The following P4HA1 variants were observed in gnomAD, a reference collection of about 807,000 sequenced individuals.
P4HA1 encodes prolyl 4-hydroxylase subunit alpha 1, also known as prolyl 4-hydroxylase subunit alpha-1.
Under a neutral mutation model 72.8 loss-of-function variants are expected in P4HA1, and 24 were observed. That is an observed-to-expected ratio of 0.33 (90% CI 0.24 to 0.46). The LOEUF is 0.46. P4HA1 is among the 20% of genes least tolerant of loss of function. The pLI is 1.00. For missense variants in P4HA1, 446 were observed against 640.6 expected (o/e 0.70, Z 3.28); for synonymous variants, 201 against 218.8 (o/e 0.92, Z 0.72).
intron 13 of P4HA1, 30 bp from the exon 14 acceptor site, chr10:73,009,933 A>C: frequency 8.3e-7 from 1 of 1,203,208 alleles, no homozygotes; most frequent in Non-Finnish European, 1.2e-6. Flanking sequence ...ATTATCCCCA[A>C]GTATACAATG....
intron 9 of P4HA1, among the ~76,000 whole-genome samples, chr10:73,038,707 A>G (rs1840661668): frequency 7.5e-6 from 1 of 133,612 alleles, no homozygotes. Flanking sequence ...GCTCACTGCA[A>G]GCTCCGCCTC....
chr10:73,080,591 A>T (rs923522632), intron 1 of P4HA1, among the ~76,000 whole-genome samples: 2 of 152,244 alleles, frequency 1.3e-5, no homozygotes, highest in African/African-American at 4.8e-5. Flanking sequence ...TTTAAGTGAC[A>T]TGTTAATAGC....
intron 5 of P4HA1, among the ~76,000 whole-genome samples, chr10:73,068,053 A>G (rs1053956574): frequency 6.6e-6 from 1 of 152,204 alleles, no homozygotes; most frequent in African/African-American, 2.4e-5. Context: ...AAAATTTGCA[A>G]ATTTGTACAT....
rs34567673 is a variant in P4HA1, at chr10:73,068,891, T to C, written c.418A>G (p.Thr140Ala). 1 of 1,612,400 alleles carries C rather than the reference T, an allele frequency of 6.2e-7. No homozygotes were observed. The highest frequency in any genetic ancestry group is 8.5e-7 in the Non-Finnish European group (1 of 1,178,528). The change falls in exon 5 of 15, where the codon ACC (threonine) becomes GCC (alanine). Residue 140 changes from threonine to alanine, a missense_variant. Transcript: ENST00000394890. ...AAKALLRLQD[T>A]YNLDTDTISK... ...ATGGTATCTGTATCCAAATTGTAGG[T>C]ATCCTGGAGACGTAACAGAGCTTTG... is the stretch of plus-strand genomic sequence containing the variant.
At chr10:73,035,676 T>C (rs1840552514) in intron 9 of P4HA1, among the ~76,000 whole-genome samples, 1 of 152,212 alleles carries the variant, frequency 6.6e-6, no homozygotes, top group African/African-American at 2.4e-5. Context: ...TGTGGGAGTA[T>C]CTCTGTACGA....
At chr10:73,075,757 G>T (rs1841684199) in intron 1 of P4HA1, among the ~76,000 whole-genome samples, 1 of 150,748 alleles carries the variant, frequency 6.6e-6, no homozygotes, top group South Asian at 2.1e-4. Context: ...GTGTGTGTGT[G>T]TGTATGTGTG....
At chr10:73,092,264 A>C (rs1046473857) in intron 1 of P4HA1, among the ~76,000 whole-genome samples, 3 of 151,450 alleles carry the variant, frequency 2.0e-5, no homozygotes, top group African/African-American at 7.3e-5. Flanking sequence ...TTTATGTCCT[A>C]CTTCTCCTAT....
rs1412219173 is a variant in P4HA1, at chr10:73,030,337, C to T, written c.1182G>A (p.Val394=). ...CTTGTATTCTCATATTAATTCGAGACACCACAGGATTTTCATAGCCAGAGA... is the reference window on the plus strand; with the variant it reads ...CTTGTATTCTCATATTAATTCGAGATACCACAGGATTTTCATAGCCAGAGA... The part of the protein sequence containing the change: ...AWLSGYENPV[V]SRINMRIQDL... Residue 394 remains valine, a synonymous_variant, in exon 10 of 15, where the codon GTG becomes GTA. Coordinates refer to ENST00000394890, the MANE Select transcript of P4HA1 (RefSeq NM_001017962.3). 3 of 1,579,026 alleles carry T rather than the reference C, an allele frequency of 1.9e-6. No homozygotes were observed. The highest frequency in any genetic ancestry group is 2.6e-6 in the Non-Finnish European group (3 of 1,155,900).
intron 1 of P4HA1, among the ~76,000 whole-genome samples, chr10:73,086,933 CAAA>C (rs59200288): frequency 4.8e-4 from 16 of 33,098 alleles, no homozygotes; most frequent in Non-Finnish European, 1.0e-3. Context: ...GAGTGCATCT[CAAA>C]AAAAAAAAAA....
chr10:73,077,422 TA>T (rs1433700616), intron 1 of P4HA1, among the ~76,000 whole-genome samples: 1 of 152,196 alleles, frequency 6.6e-6, no homozygotes, highest in Non-Finnish European at 1.5e-5. Flanking sequence ...CACAAGGAAT[TA>T]AAAACCATTA....
At chr10:73,085,309 A>G (rs1841903904) in intron 1 of P4HA1, among the ~76,000 whole-genome samples, 1 of 152,214 alleles carries the variant, frequency 6.6e-6, no homozygotes, top group South Asian at 2.1e-4. Context: ...AAGACAATGT[A>G]AAAAAGTATT....
intron 1 of P4HA1, among the ~76,000 whole-genome samples, chr10:73,076,794 A>G (rs1369306421): frequency 6.6e-6 from 1 of 152,064 alleles, no homozygotes; most frequent in Non-Finnish European, 1.5e-5. Context: ...CCCATTAGTT[A>G]CCCTGACTTG....
intron 9 of P4HA1, among the ~76,000 whole-genome samples, chr10:73,044,303 T>C (rs1034535981): frequency 3.3e-5 from 5 of 152,182 alleles, no homozygotes; most frequent in African/African-American, 7.2e-5. Flanking sequence ...AAAAAAATAG[T>C]AGACTCCTTA....
chr10:73,088,864 C>T (rs548794883), intron 1 of P4HA1, among the ~76,000 whole-genome samples: 1 of 152,308 alleles, frequency 6.6e-6, no homozygotes, highest in East Asian at 1.9e-4. Context: ...TCTATCTTTT[C>T]TCCAATACCA....
intron 3 of P4HA1, 104 bp from the exon 4 acceptor site, chr10:73,072,284 C>T: frequency 1.2e-6 from 1 of 853,074 alleles, no homozygotes; most frequent in Non-Finnish European, 1.8e-6. Flanking sequence ...TTGAGTTCAA[C>T]TATATCTGTA....
intron 1 of P4HA1, among the ~76,000 whole-genome samples, chr10:73,093,100 A>AGTG (rs1305807099): frequency 1.3e-5 from 2 of 151,330 alleles, no homozygotes; most frequent in African/African-American, 2.4e-5. Context: ...ATCCTGGGCA[A>AGTG]CAGAGCAAGA....
At chr10:73,040,447 A>T (rs1840704446) in intron 9 of P4HA1, among the ~76,000 whole-genome samples, 1 of 151,926 alleles carries the variant, frequency 6.6e-6, no homozygotes, top group Non-Finnish European at 1.5e-5. Flanking sequence ...TCCAAAAACA[A>T]ACAGTCTTCC....
At chr10:73,029,641 AG>A (rs1564622723) in intron 10 of P4HA1, among the ~76,000 whole-genome samples, 2 of 151,078 alleles carry the variant, frequency 1.3e-5, no homozygotes, top group African/African-American at 4.9e-5. Context: ...GCCTATGCTT[AG>A]TTTTTTTTTT....
At chr10:73,037,282 T>C (rs1486065676) in intron 9 of P4HA1, among the ~76,000 whole-genome samples, 2 of 150,290 alleles carry the variant, frequency 1.3e-5, no homozygotes, top group South Asian at 4.2e-4. Context: ...TCTATGCTTT[T>C]TTCCTTTCTA....
Sources: gnomAD v4.1 joint callset for allele counts (sites outside exome capture counted in the v4.1 genomes callset) on GRCh38, gnomAD v4.1.1 for gene constraint, MANE v1.5 for transcripts, NCBI Gene and HGNC (gene_info 2026-07-23, HGNC 2026-07-21) for gene names.